Variants in RAB33B observed in about 807,000 individuals in gnomAD.
RAB33B encodes RAB33B, member RAS oncogene family.
RAB33B carries 6 observed loss-of-function variants against 15.0 expected under a neutral mutation model. That is an observed-to-expected ratio of 0.40 (90% confidence interval 0.22 to 0.79). The LOEUF (loss-of-function observed/expected upper bound fraction) is 0.79, where lower values mean the gene tolerates loss of function less well. RAB33B is among the 30% of genes least tolerant of loss of function. The probability of loss-of-function intolerance (pLI) is 0.37; values close to 1 mark genes in which losing one functional copy is unlikely to be tolerated. For synonymous variants in RAB33B, 117 were observed against 108.3 expected (o/e 1.08, Z -0.50); for missense variants, 257 against 296.4 (o/e 0.87, Z 0.98).
At chr4:139,445,188 T>C in the RAB33B span, among the ~76,000 whole-genome samples, 1 of 152,242 alleles carries the variant, frequency 6.6e-6, no homozygotes, top group Non-Finnish European at 1.5e-5. Context: ...GGCAAATGCC[T>C]TTTTCTCCAT....
chr4:139,466,859 C>T (rs180677351), intron 1 of RAB33B, among the ~76,000 whole-genome samples: 4 of 151,242 alleles, frequency 2.6e-5, no homozygotes, highest in Admixed American at 6.6e-5. Context: ...GGATTACAGG[C>T]GTGAGCCACC....
intron 1 of RAB33B, among the ~76,000 whole-genome samples, chr4:139,460,873 C>T (rs1278761576): frequency 6.6e-6 from 1 of 152,170 alleles, no homozygotes; most frequent in Non-Finnish European, 1.5e-5. Flanking sequence ...TCCCAGGAAC[C>T]AGGTCAGAAT....
the RAB33B span, among the ~76,000 whole-genome samples, chr4:139,439,031 GAC>G: frequency 2.7e-5 from 4 of 150,760 alleles, no homozygotes; most frequent in South Asian, 8.4e-4. Context: ...TTTTTTTTTT[GAC>G]ACAGAGTTTC....
intron 1 of RAB33B, among the ~76,000 whole-genome samples, chr4:139,463,321 A>G (rs1040045175): frequency 6.6e-6 from 1 of 152,138 alleles, no homozygotes; most frequent in Non-Finnish European, 1.5e-5. Context: ...TTTTTAGTAG[A>G]GACGGGGTTT....
chr4:139,472,598 A>AT, intron 1 of RAB33B, 88 bp from the exon 2 acceptor site: 1 of 965,974 alleles, frequency 1.0e-6, no homozygotes, highest in South Asian at 1.7e-5. Flanking sequence ...GTGAAGAGAT[A>AT]ATAAAGACAA....
chr4:139,467,318 T>TTC (rs1180655848), intron 1 of RAB33B, among the ~76,000 whole-genome samples: 1 of 121,740 alleles, frequency 8.2e-6, no homozygotes, highest in Non-Finnish European at 1.6e-5. Flanking sequence ...CTTTTTTTTT[T>TTC]TTTTTTTTTT....
chr4:139,464,855 G>A lies in RAB33B; in HGVS notation c.250-7831G>A, dbSNP rs149127586. ...ATAGTGCTGTAATAAACATACGTGC[G>A]CATGTGTCTTTATAGTCTCATGATT... is the stretch of plus-strand genomic sequence containing the variant. On this transcript the variant is annotated intron_variant, in intron 1 of 1. Coordinates refer to ENST00000305626, the MANE Select transcript of RAB33B (RefSeq NM_031296.3). Among the ~76,000 whole-genome samples, 429 of 152,282 alleles carry A rather than the reference G, an allele frequency of 2.8e-3. 1 individual carries two copies. Among genetic ancestry groups the A allele is most frequent in the Middle Eastern group, 0.01 (3 of 294 alleles).
At chr4:139,440,550 C>T in the RAB33B span, among the ~76,000 whole-genome samples, 19 of 152,036 alleles carry the variant, frequency 1.2e-4, no homozygotes, top group African/African-American at 3.6e-4. Context: ...TGCACAGCTG[C>T]GTGCCATGAG....
At chr4:139,454,519 G>A in intron 1 of RAB33B, 75 bp downstream of exon 1, 9 of 1,498,088 alleles carry the variant, frequency 6.0e-6, no homozygotes, top group South Asian at 1.2e-5. Context: ...GTCGCTGGCC[G>A]TGTGCACGGT....
intron 1 of RAB33B, among the ~76,000 whole-genome samples, chr4:139,463,973 A>T (rs1349111588): frequency 3.9e-5 from 6 of 152,178 alleles, no homozygotes; most frequent in Admixed American, 3.9e-4. Context: ...CTCTACAGTA[A>T]AGTGTAGAGT....
intron 1 of RAB33B, among the ~76,000 whole-genome samples, chr4:139,456,237 T>A (rs1180340771): frequency 2.0e-5 from 3 of 151,998 alleles, no homozygotes; most frequent in Non-Finnish European, 2.9e-5. Flanking sequence ...GCAGAGATAG[T>A]GGAGGGCATA....
chr4:139,460,132 G>A (rs981835118), intron 1 of RAB33B, among the ~76,000 whole-genome samples: 12 of 152,208 alleles, frequency 7.9e-5, no homozygotes, highest in African/African-American at 2.9e-4. Context: ...AAGAGGACTA[G>A]ATGAGTGAGG....
chr4:139,445,023 G>C, the RAB33B span, among the ~76,000 whole-genome samples: 1 of 152,208 alleles, frequency 6.6e-6, no homozygotes. Flanking sequence ...CTCCCATTTG[G>C]CCTCTGCAAA....
upstream of RAB33B, chr4:139,452,375 G>T (rs1416882556): frequency 6.6e-6 from 1 of 152,122 alleles, no homozygotes. Context: ...AAACTAAAAA[G>T]TCCAGAATAC....
rs150155129 is a variant in RAB33B, at chr4:139,466,141, G to A, written c.250-6545G>A. On this transcript the variant is annotated intron_variant, in intron 1 of 1. Coordinates refer to ENST00000305626, the MANE Select transcript of RAB33B (RefSeq NM_031296.3). ...ATTACAGGTGTGAGTCATTGCACCC[G>A]GCCTGGGGTTAACATTTATCATTAC... Among the ~76,000 whole-genome samples the A allele has an allele frequency of 4.1e-3, 630 of 152,236 alleles. 4 individuals carry two copies. The highest frequency in any genetic ancestry group is 0.014 in the African/African-American group (580 of 41,568).
intron 1 of RAB33B, among the ~76,000 whole-genome samples, chr4:139,458,064 C>A (rs1227249771): frequency 6.6e-6 from 1 of 152,232 alleles, no homozygotes; most frequent in South Asian, 2.1e-4. Flanking sequence ...CCAAAATGCC[C>A]GATTAATGTT....
chr4:139,454,132 G>A lies in RAB33B; in HGVS notation c.-64G>A, dbSNP rs1561001747. On this transcript the variant is annotated 5_prime_UTR_variant, in exon 1 of 2. Transcript: ENST00000305626. ...CCGGCTGGGCGCGCGCTCTTGCGGT[G>A]GCGTAATCTCTCAGCCTTTCTGTGT... The A allele has an allele frequency of 1.3e-6, 2 of 1,530,316 alleles. No homozygotes were observed. The highest frequency in any genetic ancestry group is 1.8e-6 in the Non-Finnish European group (2 of 1,138,874). The allele number at this position is 1,530,316 out of a possible 1,614,324, so 94.8% of individuals were successfully genotyped here.
chr4:139,456,552 C>T (rs994642791), intron 1 of RAB33B, among the ~76,000 whole-genome samples: 7 of 152,202 alleles, frequency 4.6e-5, no homozygotes, highest in South Asian at 2.1e-4. Context: ...TCTGGGAGCA[C>T]AGAGTTGATA....
chr4:139,473,251 G>A lies in RAB33B; in HGVS notation c.*125G>A. 1.1e-6 allele frequency: 1 copy of A among 906,834 alleles called. No individual in the cohort carries two copies. Among genetic ancestry groups the A allele is most frequent in the East Asian group, 2.7e-5 (1 of 37,282 alleles). 56.2% of individuals were successfully genotyped at this position (906,834 alleles called of 1,614,324 possible). The stretch of plus-strand genomic sequence containing the variant: ...TCTTGACACTTTGCTGTTTGTCATT[G>A]TCACGCTTTTGTATTTTGTATCTAC... On this transcript the variant is annotated 3_prime_UTR_variant, in exon 2 of 2. Transcript: ENST00000305626.
Sources: gnomAD v4.1 joint callset for allele counts (sites outside exome capture counted in the v4.1 genomes callset) on GRCh38, gnomAD v4.1.1 for gene constraint, MANE v1.5 for transcripts, NCBI Gene and HGNC (gene_info 2026-07-23, HGNC 2026-07-21) for gene names.